The following ST14 variants were observed in gnomAD, a reference collection of about 807,000 sequenced individuals.
ST14 encodes the protein ST14 transmembrane serine protease matriptase.
Under a neutral mutation model 96.5 loss-of-function variants are expected in ST14, and 40 were observed. The ratio of observed to expected loss-of-function variants is 0.41; its 90% confidence interval spans 0.32 to 0.54. The LOEUF (loss-of-function observed/expected upper bound fraction) is 0.54. Ranked by LOEUF, ST14 falls within the 20% of genes least tolerant of loss-of-function variation. The pLI is 0.17. For synonymous variants in ST14, 506 were observed against 492.1 expected (o/e 1.03, Z -0.37); for missense variants, 1,066 against 1,188.9 (o/e 0.90, Z 1.52).
chr11:130,189,787 G>A lies in ST14; in HGVS notation c.489G>A (p.Gln163=). The A allele has an allele frequency of 6.2e-7, 1 of 1,613,772 alleles. No homozygotes were observed. Among genetic ancestry groups the A allele is most frequent in the Non-Finnish European group, 8.5e-7 (1 of 1,179,956 alleles). Residue 163 remains glutamine (Q), a synonymous_variant, in exon 5 of 19, where the codon CAG becomes CAA. Transcript: ENST00000278742. ...ACTGGTCTGAGTTCAGCATCCCGCA[G>A]CACCTGGTGGAGGAGGCCGAGCGCG... ...AYYWSEFSIP[Q]HLVEEAERVM... is the part of the protein sequence containing the mutation.
intron 1 of ST14, among the ~76,000 whole-genome samples, 166 bp downstream of exon 1, chr11:130,160,226 G>A (rs1163842040): frequency 1.3e-5 from 2 of 151,922 alleles, no homozygotes; most frequent in Non-Finnish European, 1.5e-5. Context: ...GGGCGGGCGG[G>A]GCTGGCCGGA....
intron 8 of ST14, 33 bp from the exon 9 acceptor site, chr11:130,194,607 G>A (rs765646956): frequency 1.2e-6 from 2 of 1,611,266 alleles, no homozygotes; most frequent in Admixed American, 1.7e-5. Context: ...GCAGGTTCCT[G>A]ATCCTCTTGC....
intron 5 of ST14, 51 bp downstream of exon 5, chr11:130,189,947 G>A (rs765452172): frequency 6.2e-7 from 1 of 1,613,446 alleles, no homozygotes; most frequent in Non-Finnish European, 8.5e-7. Context: ...CTTCCATGGA[G>A]TGGGGCTGGG....
chr11:130,206,992 T>A (rs1413201777), intron 16 of ST14, among the ~76,000 whole-genome samples: 1 of 152,190 alleles, frequency 6.6e-6, no homozygotes, highest in African/African-American at 2.4e-5. Context: ...TCCACCTGTG[T>A]AGTAGTGTCA....
At chr11:130,198,282 G>C in intron 12 of ST14, 26 bp from the exon 13 acceptor site, 1 of 1,608,540 alleles carries the variant, frequency 6.2e-7, no homozygotes, top group Non-Finnish European at 8.5e-7. Flanking sequence ...GGGCCTCACG[G>C]CCGACCTCCC....
In ST14 at chr11:130,208,536, C is replaced by T; in HGVS notation, c.2121C>T (p.Thr707=). 6.2e-7 allele frequency: 1 copy of T among 1,614,242 alleles called. No homozygotes were observed. Among genetic ancestry groups the T allele is most frequent in the Non-Finnish European group, 8.5e-7 (1 of 1,180,042 alleles). ...IISHPFFNDF[T]FDYDIALLEL... is the part of the protein sequence containing the mutation. ...CCCACCCCTTCTTCAATGACTTCAC[C>T]TTCGACTATGACATCGCGCTGCTGG... Residue 707 remains threonine (T), a synonymous_variant, in exon 17 of 19, where the codon ACC becomes ACT. Coordinates refer to ENST00000278742, the MANE Select transcript of ST14 (RefSeq NM_021978.4).
intron 1 of ST14, among the ~76,000 whole-genome samples, chr11:130,177,556 T>A (rs2136206743): frequency 6.6e-6 from 1 of 152,184 alleles, no homozygotes; most frequent in East Asian, 1.9e-4. Context: ...AGAGCGAAAC[T>A]CCGTCTCAAA....
chr11:130,171,760 C>A (rs138212007), intron 1 of ST14, among the ~76,000 whole-genome samples: 96 of 152,374 alleles, frequency 6.3e-4, no homozygotes, highest in African/African-American at 1.3e-3. Flanking sequence ...GGCACACAGG[C>A]TGAAGCCACT....
intron 1 of ST14, among the ~76,000 whole-genome samples, chr11:130,185,573 C>T (rs928456339): frequency 1.3e-5 from 2 of 152,052 alleles, no homozygotes; most frequent in Non-Finnish European, 2.9e-5. Flanking sequence ...GGAGGATTGC[C>T]TGAGCTCAGG....
chr11:130,180,538 C>CA (rs1176378608), intron 1 of ST14, among the ~76,000 whole-genome samples: 1 of 152,166 alleles, frequency 6.6e-6, no homozygotes, highest in Non-Finnish European at 1.5e-5. Context: ...ATGCTCTGAG[C>CA]AGCCCATGGC....
chr11:130,185,450 C>T (rs967537026), intron 1 of ST14, among the ~76,000 whole-genome samples: 6 of 152,192 alleles, frequency 3.9e-5, no homozygotes, highest in Non-Finnish European at 7.4e-5. Context: ...GCCAGGAGTT[C>T]GAGATAAGCC....
chr11:130,194,437 C>G, intron 8 of ST14, 149 bp downstream of exon 8: 1 of 1,337,654 alleles, frequency 7.5e-7, no homozygotes, highest in Non-Finnish European at 1.0e-6. Context: ...GAAGCTTGAG[C>G]CAAAGGCATC....
rs201684781 is a variant in ST14, at chr11:130,206,390, A to C, written c.1995-2020A>C. On this transcript the variant is annotated intron_variant, in intron 16 of 18. Coordinates refer to ENST00000278742, the MANE Select transcript of ST14 (RefSeq NM_021978.4). ...GACTACACTGCAGGTGATTCTTTGA[A>C]TCAGCGTGAGTGTCTCGTTCTCCAG... Among the ~76,000 whole-genome samples, 348 of 122,238 alleles carry C rather than the reference A, an allele frequency of 2.8e-3. 6 individuals carry two copies. In the East Asian group the frequency reaches 0.086, roughly 30 times the overall value. 80.2% of individuals were successfully genotyped at this position (122,238 alleles called of 152,430 possible).
chr11:130,188,435 GC>G lies in ST14; in HGVS notation c.242-90del. 6.2e-7 allele frequency: 1 copy of G among 1,603,428 alleles called. No homozygotes were observed. The highest frequency in any genetic ancestry group is 8.5e-7 in the Non-Finnish European group (1 of 1,175,608). On this transcript the variant is annotated intron_variant, in intron 2 of 18. Coordinates refer to ENST00000278742, the MANE Select transcript of ST14 (RefSeq NM_021978.4). The surrounding 1 kb of genome is among the most constrained non-coding windows in gnomAD (Gnocchi z 5.4). The stretch of plus-strand genomic sequence containing the variant: ...GGGAAGCAGTCAGGGCTGACCCATG[GC>G]CCCCTCCTGGCATTCATTCCCCATT...
intron 1 of ST14, among the ~76,000 whole-genome samples, chr11:130,183,828 G>A (rs541647303): frequency 7.2e-5 from 11 of 152,248 alleles, no homozygotes; most frequent in Middle Eastern, 3.4e-3. Flanking sequence ...AGACAGCTAC[G>A]GGAGTGTTTC....
chr11:130,169,101 T>TTG (rs1370943761), intron 1 of ST14, among the ~76,000 whole-genome samples: 2 of 142,956 alleles, frequency 1.4e-5, no homozygotes, highest in African/African-American at 5.3e-5. Flanking sequence ...GGTTTTTTTT[T>TTG]TTTTTTTTTT....
intron 12 of ST14, 66 bp downstream of exon 12, chr11:130,198,011 C>T: frequency 6.8e-7 from 1 of 1,475,062 alleles, no homozygotes; most frequent in Non-Finnish European, 9.2e-7. Context: ...TCCCATGGCC[C>T]TGCTGGCTGA....
intron 14 of ST14, 97 bp downstream of exon 14, chr11:130,198,718 A>G: frequency 1.5e-6 from 2 of 1,355,688 alleles, no homozygotes; most frequent in Non-Finnish European, 2.1e-6. Flanking sequence ...AGTTTAATGA[A>G]CACAAACCAC....
At chr11:130,172,347 C>A (rs1392612275) in intron 1 of ST14, among the ~76,000 whole-genome samples, 2 of 151,392 alleles carry the variant, frequency 1.3e-5, no homozygotes, top group African/African-American at 4.9e-5. Context: ...CTCAAGCAAT[C>A]CTCCCACCTC....
Sources: gnomAD v4.1 joint callset for allele counts (sites outside exome capture counted in the v4.1 genomes callset) on GRCh38, gnomAD v4.1.1 for gene constraint, Gnocchi (gnomAD v3.1) non-coding constraint, MANE v1.5 for transcripts, NCBI Gene and HGNC (gene_info 2026-07-23, HGNC 2026-07-21) for gene names.